Variants in CDH20 observed in about 807,000 individuals in gnomAD.
CDH20 encodes the protein cadherin 20, also known as cadherin-20.
CDH20 carries 29 observed loss-of-function variants against 74.2 expected under a neutral mutation model. The ratio of observed to expected loss-of-function variants is 0.39; its 90% CI spans 0.29 to 0.53. CDH20 has a LOEUF of 0.53. Ranked by LOEUF, CDH20 falls within the 20% of genes least tolerant of loss-of-function variation. The pLI is 0.69. For missense variants in CDH20, 988 were observed against 1,048.3 expected (o/e 0.94, Z 0.79); for synonymous variants, 469 against 405.4 (o/e 1.16, Z -1.88).
chr18:61,507,250 C>A, intron 5 of CDH20, 123 bp from the exon 6 acceptor site: 1 of 896,536 alleles, frequency 1.1e-6, no homozygotes, highest in South Asian at 1.7e-5. Flanking sequence ...TGTAAAAACT[C>A]AAGTTTTACT....
intron 9 of CDH20, among the ~76,000 whole-genome samples, chr18:61,541,642 G>T (rs1913042921): frequency 6.6e-6 from 1 of 152,052 alleles, no homozygotes; most frequent in Admixed American, 6.6e-5. Context: ...CCTTTGATTT[G>T]GGCTCTGGGA....
intron 1 of CDH20, among the ~76,000 whole-genome samples, chr18:61,471,362 CAG>C (rs1196207206): frequency 1.3e-5 from 2 of 152,180 alleles, no homozygotes; most frequent in South Asian, 2.1e-4. Context: ...GAGATAATGT[CAG>C]AGTTAGGTCC....
intron 7 of CDH20, among the ~76,000 whole-genome samples, chr18:61,528,462 C>CACAT (rs1912527939): frequency 6.6e-6 from 1 of 151,628 alleles, no homozygotes; most frequent in Admixed American, 6.6e-5. Flanking sequence ...CACACACACA[C>CACAT]ACACACACAC....
At chr18:61,459,275 G>A (rs1909686436) in intron 1 of CDH20, among the ~76,000 whole-genome samples, 1 of 152,114 alleles carries the variant, frequency 6.6e-6, no homozygotes, top group African/African-American at 2.4e-5. Context: ...TGGGATATAG[G>A]TTCAATGTAG....
chr18:61,547,411 T>A (rs1429438964), intron 10 of CDH20, among the ~76,000 whole-genome samples: 2 of 152,216 alleles, frequency 1.3e-5, no homozygotes, highest in Non-Finnish European at 2.9e-5. Flanking sequence ...TGAAACATGA[T>A]GTCCTTTTAT....
At chr18:61,481,318 A>ATAGTAT (rs1910581325) in intron 1 of CDH20, among the ~76,000 whole-genome samples, 1 of 152,234 alleles carries the variant, frequency 6.6e-6, no homozygotes. Flanking sequence ...AACTTAATCT[A>ATAGTAT]TAGTATTAGG....
intron 10 of CDH20, chr18:61,549,768 G>C: frequency 1.7e-6 from 1 of 571,660 alleles, no homozygotes; most frequent in South Asian, 2.4e-5. Flanking sequence ...TCTCTTCTTA[G>C]GCCTCAGGGT....
chr18:61,489,124 A>G (rs918572881), intron 1 of CDH20, among the ~76,000 whole-genome samples: 2 of 152,216 alleles, frequency 1.3e-5, no homozygotes, highest in Admixed American at 6.5e-5. Flanking sequence ...TACTTTCTCT[A>G]TCATTTCTCA....
Position 61,542,049 on chromosome 18 carries a change from A to G in CDH20, c.1530+2904A>G, listed in dbSNP as rs548657497. 3.8e-3 allele frequency among the ~76,000 whole-genome samples: 584 copies of G among 152,300 alleles called. 2 individuals carry two copies. The highest frequency in any genetic ancestry group is 6.6e-3 in the Non-Finnish European group (451 of 68,026). On this transcript the variant is annotated intron_variant, in intron 9 of 11. Transcript: ENST00000262717. ...TGCCTCAGGCCCCAGTCTCACCAAT[A>G]TATACACAATACGCAGGCCAGATAT...
rs560950396 is a variant in CDH20 at position 61,393,733 on chromosome 18, T to C, written c.-153+59906T>C. Among the ~76,000 whole-genome samples, 3 of 152,324 alleles carry C rather than the reference T, an allele frequency of 2.0e-5. No individual in the cohort carries two copies. The South Asian group carries it at 6.2e-4, about 32-fold the overall frequency. On this transcript the variant is annotated intron_variant, in intron 1 of 11. Coordinates refer to ENST00000262717, the MANE Select transcript of CDH20 (RefSeq NM_031891.4). ...AACATTATTTGCTACTTCACGTTCA[T>C]AAGTTTAGGTAATCATTTTCCTGAC...
intron 1 of CDH20, among the ~76,000 whole-genome samples, chr18:61,420,593 T>A (rs911633851): frequency 2.0e-5 from 3 of 152,154 alleles, no homozygotes; most frequent in East Asian, 1.9e-4. Context: ...TTCAAAAAAA[T>A]TTTTGAGTGG....
chr18:61,388,556 A>G (rs1051215518), intron 1 of CDH20, among the ~76,000 whole-genome samples: 1 of 152,174 alleles, frequency 6.6e-6, no homozygotes, highest in African/African-American at 2.4e-5. Flanking sequence ...TTTGATTTGC[A>G]TTTTGGAGAT....
At chr18:61,370,825 A>G (rs1911011482) in intron 1 of CDH20, among the ~76,000 whole-genome samples, 1 of 152,118 alleles carries the variant, frequency 6.6e-6, no homozygotes, top group Non-Finnish European at 1.5e-5. Flanking sequence ...TTTCAATAAT[A>G]GATCAACATC....
At chr18:61,439,988 ACT>A (rs1908972912) in intron 1 of CDH20, among the ~76,000 whole-genome samples, 1 of 152,054 alleles carries the variant, frequency 6.6e-6, no homozygotes, top group African/African-American at 2.4e-5. Context: ...TCTATGGCAA[ACT>A]CTTACTGCAT....
chr18:61,532,697 C>G (rs1912689056), intron 7 of CDH20, among the ~76,000 whole-genome samples: 1 of 152,080 alleles, frequency 6.6e-6, no homozygotes, highest in South Asian at 2.1e-4. Flanking sequence ...ATTGATTTCA[C>G]AATCCACTAA....
At chr18:61,398,845 T>C (rs1375221835) in intron 1 of CDH20, among the ~76,000 whole-genome samples, 2 of 151,888 alleles carry the variant, frequency 1.3e-5, no homozygotes. Context: ...TAGAAATGAG[T>C]TAGAAGGATA....
chr18:61,365,673 T>C (rs1910833678), intron 1 of CDH20, among the ~76,000 whole-genome samples: 1 of 152,194 alleles, frequency 6.6e-6, no homozygotes, highest in Non-Finnish European at 1.5e-5. Flanking sequence ...GCTGAAATGT[T>C]ATATTTTCCA....
intron 1 of CDH20, among the ~76,000 whole-genome samples, chr18:61,404,312 G>A (rs562739176): frequency 1.3e-5 from 2 of 152,084 alleles, no homozygotes; most frequent in Non-Finnish European, 2.9e-5. Context: ...GAAAAACATG[G>A]TTTATTACTT....
In CDH20 at chr18:61,385,263, G is replaced by T. The variant is rs9958450; in HGVS notation, c.-153+51436G>T. Reference sequence around the variant, plus strand: ...ATGCTTACTATCACCATGATTATGTGAGACTGTCAGTAAGCTCTTGTTAAC... The same window carrying T: ...ATGCTTACTATCACCATGATTATGTTAGACTGTCAGTAAGCTCTTGTTAAC... On this transcript the variant is annotated intron_variant, in intron 1 of 11. Coordinates refer to ENST00000262717, the MANE Select transcript of CDH20 (RefSeq NM_031891.4). Among the ~76,000 whole-genome samples, 70 of 152,214 alleles carry T rather than the reference G, an allele frequency of 4.6e-4. 1 individual carries two copies. The highest frequency in any genetic ancestry group is 1.6e-3 in the African/African-American group (67 of 41,532).
Sources: allele counts gnomAD v4.1 joint callset (sites outside exome capture counted in the v4.1 genomes callset), GRCh38; gene constraint gnomAD v4.1.1; transcripts MANE v1.5; gene names NCBI Gene and HGNC (gene_info 2026-07-23, HGNC 2026-07-21).